Variants in NUP50 observed in about 807,000 individuals in gnomAD.
NUP50 encodes the protein nucleoporin 50.
Under a neutral mutation model 36.8 loss-of-function variants are expected in NUP50, and 14 were observed. That is an observed-to-expected ratio of 0.38 (90% CI 0.25 to 0.59). The LOEUF (loss-of-function observed/expected upper bound fraction) is 0.59. NUP50 is among the 20% of genes least tolerant of loss of function. NUP50 has a pLI of 0.63. For synonymous variants in NUP50, 195 were observed against 210.8 expected, an observed-to-expected ratio of 0.93 and a Z score of 0.65; for missense variants, 455 against 564.6, an observed-to-expected ratio of 0.81 and a Z score of 1.97.
At chr22:45,176,730 TGTTAA>T (rs1394144517) in intron 4 of NUP50, among the ~76,000 whole-genome samples, 1 of 152,212 alleles carries the variant, frequency 6.6e-6, no homozygotes, top group Non-Finnish European at 1.5e-5. Context: ...AAGTGTTCTC[TGTTAA>T]GTTTTGTTGT....
intron 1 of NUP50, among the ~76,000 whole-genome samples, chr22:45,167,703 G>A (rs529550701): frequency 2.6e-5 from 4 of 152,184 alleles, no homozygotes; most frequent in East Asian, 3.9e-4. Context: ...CCCGTTATTC[G>A]TATTCTTACT....
chr22:45,187,784 C>T lies in NUP50; in HGVS notation c.*3129C>T, dbSNP rs576928056. On this transcript the variant is annotated 3_prime_UTR_variant, in exon 8 of 8. Coordinates refer to ENST00000347635, the MANE Select transcript of NUP50 (RefSeq NM_007172.4). ...CAGCCAGTAACAATCATACTGAGGA[C>T]GAAGGACTCTCCGTTTGATGCAGAC... 7.9e-5 allele frequency: 12 copies of T among 152,588 alleles called. No individual in the cohort carries two copies. The highest frequency in any genetic ancestry group is 1.2e-4 in the African/African-American group (5 of 41,534). 9.5% of individuals were successfully genotyped at this position (152,588 alleles called of 1,614,324 possible). A position where few individuals can be genotyped will look rare whatever the true frequency, so the allele number is the denominator to read the frequency against.
intron 3 of NUP50, among the ~76,000 whole-genome samples, chr22:45,174,509 C>A (rs989059771): frequency 6.6e-6 from 1 of 152,200 alleles, no homozygotes; most frequent in African/African-American, 2.4e-5. Context: ...CTTTTACTCT[C>A]ATTTTTCTGA....
intron 3 of NUP50, 74 bp downstream of exon 3, chr22:45,171,757 G>T: frequency 8.9e-7 from 1 of 1,128,206 alleles, no homozygotes; most frequent in South Asian, 1.2e-5. Context: ...CCCTCCGCTG[G>T]GAGCAATGAT....
At chr22:45,171,425 C>T (rs893628803) in intron 2 of NUP50, among the ~76,000 whole-genome samples, 175 bp from the exon 3 acceptor site, 5 of 152,220 alleles carry the variant, frequency 3.3e-5, no homozygotes, top group Non-Finnish European at 7.3e-5. Flanking sequence ...TCTCAAACTC[C>T]TGACCTTTGG....
At position 45,187,825 on chromosome 22, in the gene NUP50, A is replaced by G. The variant is rs1158200420; in HGVS notation, c.*3170A>G. On this transcript the variant is annotated 3_prime_UTR_variant, in exon 8 of 8. Coordinates refer to ENST00000347635, the MANE Select transcript of NUP50 (RefSeq NM_007172.4). ...TGATGCAGACACAATTGTAATGGAG[A>G]TGTAAAACTTCTTAGCAATCAGATG... The G allele has an allele frequency of 2.0e-5, 3 of 152,666 alleles. No individual in the cohort carries two copies. The highest frequency in any genetic ancestry group is 7.2e-5 in the African/African-American group (3 of 41,466). The allele number at this position is 152,666 out of a possible 1,614,324, so 9.5% of individuals were successfully genotyped here. A position where few individuals can be genotyped will look rare whatever the true frequency, so the allele number is the denominator to read the frequency against.
At chr22:45,168,290 CT>C in intron 2 of NUP50, 44 bp downstream of exon 2, 3 of 1,493,340 alleles carry the variant, frequency 2.0e-6, no homozygotes, top group Non-Finnish European at 2.8e-6. Context: ...TTTCTTTTGC[CT>C]TTTACATTCA....
chr22:45,179,502 A>T (rs925924057), intron 5 of NUP50, among the ~76,000 whole-genome samples: 2 of 152,180 alleles, frequency 1.3e-5, no homozygotes, highest in African/African-American at 2.4e-5. Flanking sequence ...CTCTGTTGTT[A>T]GCTTAAAAAG....
intron 3 of NUP50, 174 bp downstream of exon 3, chr22:45,171,857 G>C (rs959001180): frequency 1.8e-6 from 1 of 557,916 alleles, no homozygotes; most frequent in African/African-American, 1.9e-5. Flanking sequence ...GGACCTTAAA[G>C]AGAGCTTATC....
At chr22:45,183,582 C>T in intron 7 of NUP50, 62 bp downstream of exon 7, 4 of 1,027,626 alleles carry the variant, frequency 3.9e-6, no homozygotes, top group Non-Finnish European at 6.2e-6. Flanking sequence ...AGCGTTTACC[C>T]TGCTGACTCA....
intron 5 of NUP50, 116 bp downstream of exon 5, chr22:45,179,016 C>G (rs1028534583): frequency 4.1e-6 from 4 of 975,358 alleles, no homozygotes; most frequent in Non-Finnish European, 6.0e-6. Context: ...GTTGTTCTCT[C>G]CATGTGTGAT....
In NUP50 at chr22:45,186,709, T is replaced by G. The variant is rs2083451190; in HGVS notation, c.*2054T>G. ...CTTTTTTCCTAACATTCCCAGCAAA[T>G]TTTTGCTGCTAAGACTATCACTGTT... On this transcript the variant is annotated 3_prime_UTR_variant, in exon 8 of 8. Coordinates refer to ENST00000347635, the MANE Select transcript of NUP50 (RefSeq NM_007172.4). 6.6e-6 allele frequency: 1 copy of G among 152,654 alleles called. No individual in the cohort carries two copies. Among genetic ancestry groups the G allele is most frequent in the African/African-American group, 2.4e-5 (1 of 41,468 alleles). The allele number at this position is 152,654 out of a possible 1,614,324, so 9.5% of individuals were successfully genotyped here.
chr22:45,170,985 C>T (rs1328770643), intron 2 of NUP50: 4 of 1,303,690 alleles, frequency 3.1e-6, no homozygotes, highest in Non-Finnish European at 4.0e-6. Flanking sequence ...TCCGACCCTA[C>T]AGGGTAAAAG....
At position 45,171,691 on chromosome 22, in the gene NUP50, C is replaced by T; in HGVS notation, c.153+8C>T. ...AGAAATGTTGGATTTGAAGTGAGTGCCCCCTTACAGCTCTTGCTATTAAAT... is the reference window on the plus strand; with the variant it reads ...AGAAATGTTGGATTTGAAGTGAGTGTCCCCTTACAGCTCTTGCTATTAAAT... On this transcript the variant is annotated splice_region_variant and intron_variant, in intron 3 of 7. Coordinates refer to ENST00000347635, the MANE Select transcript of NUP50 (RefSeq NM_007172.4). 1 of 1,610,668 alleles carries T rather than the reference C, an allele frequency of 6.2e-7. No individual in the cohort carries two copies. The highest frequency in any genetic ancestry group is 8.5e-7 in the Non-Finnish European group (1 of 1,176,898).
chr22:45,168,246 G>C lies in NUP50; in HGVS notation c.69G>C (p.Glu23Asp). Residue 23 changes from glutamate to aspartate, a missense_variant and splice_region_variant, in exon 2 of 8, where the codon GAG becomes GAC. This residue lies in a region of NUP50 where 166 missense variants were observed against 202.8 expected (regional missense o/e 0.82). Transcript: ENST00000347635. Reference protein sequence around the residue: ...RNWDQEDEAEEVGTFSMASEE... With the variant: ...RNWDQEDEAEDVGTFSMASEE... ...GGGATCAAGAAGATGAAGCTGAAGA[G>C]GTAAAAAGCAGCTTCCCTAAGAATG... 6.2e-7 allele frequency: 1 copy of C among 1,602,356 alleles called. No homozygotes were observed. Among genetic ancestry groups the C allele is most frequent in the Non-Finnish European group, 8.5e-7 (1 of 1,175,522 alleles).
At chr22:45,171,995 G>A (rs569311718) in intron 3 of NUP50, 3 of 285,908 alleles carry the variant, frequency 1.0e-5, no homozygotes, top group African/African-American at 2.2e-5. Flanking sequence ...AAAACGCAAG[G>A]ATCTTCTGAG....
chr22:45,187,137 T>G lies in NUP50; in HGVS notation c.*2482T>G, dbSNP rs190561878. 3.3e-4 allele frequency: 50 copies of G among 151,492 alleles called. No individual in the cohort carries two copies. In the East Asian group the frequency reaches 8.5e-3, roughly 26 times the overall value. The allele number at this position is 151,492 out of a possible 1,614,324, so 9.4% of individuals were successfully genotyped here. A position where few individuals can be genotyped will look rare whatever the true frequency, so the allele number is the denominator to read the frequency against. ...TTTGTTATTCTGAAATTGTTTTGCA[T>G]CTGGACAAATACTAAATATCCCAGT... On this transcript the variant is annotated 3_prime_UTR_variant, in exon 8 of 8. Coordinates refer to ENST00000347635, the MANE Select transcript of NUP50 (RefSeq NM_007172.4).
rs2074314877 is a variant in NUP50, at chr22:45,178,590, G to GC, written c.694dup (p.Gln232ProfsTer13). ...CCCTTTTTGGCTCAACAAAATTACAGCAAGAGTCAACGTTTTTGTTTCATG... is the reference window on the plus strand; with the variant it reads ...CCCTTTTTGGCTCAACAAAATTACAGCCAAGAGTCAACGTTTTTGTTTCATG... On this transcript the variant is annotated frameshift_variant, in exon 5 of 8. Transcript: ENST00000347635. LOFTEE classifies it high-confidence loss of function. The GC allele has an allele frequency of 6.2e-7, 1 of 1,611,884 alleles. No homozygotes were observed. Among genetic ancestry groups the GC allele is most frequent in the East Asian group, 2.2e-5 (1 of 44,892 alleles).
intron 6 of NUP50, among the ~76,000 whole-genome samples, chr22:45,181,996 T>C (rs1365105255): frequency 6.6e-6 from 1 of 152,252 alleles, no homozygotes; most frequent in Non-Finnish European, 1.5e-5. Flanking sequence ...CCAGCAGTTT[T>C]CCATGAACAG....
Sources: gnomAD v4.1 joint callset for allele counts (sites outside exome capture counted in the v4.1 genomes callset) on GRCh38, gnomAD v4.1.1 for gene constraint, gnomAD v4.1.1 regional missense constraint, MANE v1.5 for transcripts, NCBI Gene and HGNC (gene_info 2026-07-23, HGNC 2026-07-21) for gene names.